OTOGL: variants seen among roughly 807,000 people sequenced by gnomAD.
The protein encoded by OTOGL is otogelin like.
In OTOGL, 285 loss-of-function variants were observed where a neutral mutation model predicts 318.5. That is an observed-to-expected ratio of 0.89 (90% CI 0.81 to 0.99). The LOEUF (loss-of-function observed/expected upper bound fraction) is 0.99. Ranked by LOEUF, OTOGL falls within the 50% of genes least tolerant of loss-of-function variation. The pLI is 0.00. For missense variants in OTOGL, 2,899 were observed against 2,845.6 expected, an observed-to-expected ratio of 1.02 and a Z score of -0.43; for synonymous variants, 987 against 936.5, an observed-to-expected ratio of 1.05 and a Z score of -0.99.
chr12:80,307,871 A>G (rs1174159667), intron 29 of OTOGL, among the ~76,000 whole-genome samples: 12 of 101,202 alleles, frequency 1.2e-4, no homozygotes, highest in African/African-American at 4.1e-4. Context: ...CGGGGGGCTG[A>G]CCCCCCCACC....
chr12:80,295,208 A>T (rs759358748), intron 26 of OTOGL, among the ~76,000 whole-genome samples: 1 of 128,684 alleles, frequency 7.8e-6, no homozygotes, highest in Non-Finnish European at 1.5e-5. Context: ...TCAATCTGTC[A>T]CCCAGACTGG....
chr12:80,294,404 C>T (rs1295796382), intron 26 of OTOGL, among the ~76,000 whole-genome samples: 1 of 152,118 alleles, frequency 6.6e-6, no homozygotes, highest in Non-Finnish European at 1.5e-5. Context: ...CTTTTCACAT[C>T]CCTTAGTCTA....
intron 1 of OTOGL, among the ~76,000 whole-genome samples, chr12:80,149,649 G>T (rs1315313176): frequency 6.6e-6 from 1 of 152,004 alleles, no homozygotes; most frequent in African/African-American, 2.4e-5. Context: ...GGGCAATGGC[G>T]GGCGCCCCTC....
chr12:80,289,760 C>T (rs1320714164), intron 26 of OTOGL, among the ~76,000 whole-genome samples: 1 of 152,164 alleles, frequency 6.6e-6, no homozygotes, highest in Admixed American at 6.5e-5. Flanking sequence ...CAAGGTCAAT[C>T]GTCCCAGGTT....
chr12:80,292,050 G>A (rs897923426), intron 26 of OTOGL, among the ~76,000 whole-genome samples: 3 of 151,668 alleles, frequency 2.0e-5, no homozygotes, highest in African/African-American at 7.3e-5. Context: ...GTGCAGTGGT[G>A]CAATCTTGGC....
intron 29 of OTOGL, among the ~76,000 whole-genome samples, chr12:80,307,523 C>T (rs1427022655): frequency 4.8e-5 from 7 of 146,994 alleles, no homozygotes; most frequent in East Asian, 2.1e-4. Context: ...CGGGCGGAGG[C>T]GCCCCTCACC....
chr12:80,190,677 C>T (rs1038953579), intron 1 of OTOGL, among the ~76,000 whole-genome samples: 5 of 151,166 alleles, frequency 3.3e-5, no homozygotes, highest in African/African-American at 1.2e-4. Context: ...ATCCCAGCTA[C>T]TCGGAAGGCT....
In OTOGL at chr12:80,150,076, C is replaced by T. The variant is rs192213831; in HGVS notation, c.-20+50471C>T. On this transcript the variant is annotated intron_variant, in intron 1 of 58. Coordinates refer to ENST00000547103, the MANE Select transcript of OTOGL (RefSeq NM_001378609.3). The stretch of plus-strand genomic sequence containing the variant: ...TTCCTATTCGGCCATCTTGGCTTCT[C>T]GCTTTTCTTTATATAGTGTCTGGTG... Among the ~76,000 whole-genome samples the T allele has an allele frequency of 5.5e-4, 83 of 152,270 alleles. No individual in the cohort carries two copies. In the East Asian group the frequency reaches 9.9e-3, roughly 18 times the overall value.
chr12:80,339,029 A>G, intron 42 of OTOGL, 46 bp from the exon 43 acceptor site: 1 of 1,390,958 alleles, frequency 7.2e-7, no homozygotes. Context: ...CCTAATTTGT[A>G]TATTTAAGTA....
intron 23 of OTOGL, 137 bp downstream of exon 23, chr12:80,270,291 C>T (rs1241564090): frequency 5.7e-6 from 4 of 701,906 alleles, no homozygotes; most frequent in Non-Finnish European, 9.6e-6. Flanking sequence ...ACATGGTGTT[C>T]CAGTGCTTCT....
chr12:80,137,629 G>T (rs1451879321), intron 1 of OTOGL, among the ~76,000 whole-genome samples: 1 of 152,260 alleles, frequency 6.6e-6, no homozygotes, highest in Admixed American at 6.5e-5. Context: ...TACAGATGAG[G>T]AAGCAAATGG....
intron 1 of OTOGL, among the ~76,000 whole-genome samples, chr12:80,189,662 T>C (rs368184905): frequency 6.6e-6 from 1 of 152,192 alleles, no homozygotes; most frequent in African/African-American, 2.4e-5. Flanking sequence ...ACCTAGAAAG[T>C]AGAATTTCAT....
intron 2 of OTOGL, 39 bp from the exon 3 acceptor site, chr12:80,210,808 G>A (rs1464465193): frequency 3.0e-6 from 4 of 1,311,940 alleles, no homozygotes; most frequent in Non-Finnish European, 4.1e-6. Context: ...AATATATTTG[G>A]ATAATTTTTT....
At chr12:80,201,770 G>T (rs1876473590) in intron 1 of OTOGL, among the ~76,000 whole-genome samples, 1 of 152,174 alleles carries the variant, frequency 6.6e-6, no homozygotes, top group Non-Finnish European at 1.5e-5. Context: ...GCCAGAGAAA[G>T]TCAGTTGGCC....
At chr12:80,290,982 A>G (rs556016256) in intron 26 of OTOGL, among the ~76,000 whole-genome samples, 10 of 152,310 alleles carry the variant, frequency 6.6e-5, no homozygotes, top group South Asian at 6.2e-4. Flanking sequence ...GGTGAACTCA[A>G]TAACTACTTG....
chr12:80,156,122 T>C (rs952943858), intron 1 of OTOGL, among the ~76,000 whole-genome samples: 2 of 152,232 alleles, frequency 1.3e-5, no homozygotes, highest in Non-Finnish European at 2.9e-5. Context: ...TTTGAGTCCG[T>C]GGACTGCGAA....
chr12:80,140,624 T>G lies in OTOGL; in HGVS notation c.-20+41019T>G, dbSNP rs574576133. 3.9e-5 allele frequency among the ~76,000 whole-genome samples: 6 copies of G among 152,328 alleles called. No individual in the cohort carries two copies. In the East Asian group the frequency reaches 9.6e-4, roughly 24 times the overall value. On this transcript the variant is annotated intron_variant, in intron 1 of 58. Coordinates refer to ENST00000547103, the MANE Select transcript of OTOGL (RefSeq NM_001378609.3). ...TCTTGGGCAAGTTACTTCATCTCTC[T>G]GTGCTTCAGTCTCCTCATATATAAA...
At chr12:80,262,635 G>T (rs1447763252) in intron 19 of OTOGL, among the ~76,000 whole-genome samples, 1 of 152,076 alleles carries the variant, frequency 6.6e-6, no homozygotes, top group Non-Finnish European at 1.5e-5. Context: ...TGCAATGACA[G>T]GACAACTCAC....
intron 29 of OTOGL, among the ~76,000 whole-genome samples, chr12:80,306,905 A>G (rs549341231): frequency 6.6e-6 from 1 of 150,916 alleles, no homozygotes; most frequent in African/African-American, 2.5e-5. Flanking sequence ...GTCAGCAGAT[A>G]AACAAGTGAA....
Sources: gnomAD v4.1 joint callset for allele counts (sites outside exome capture counted in the v4.1 genomes callset) on GRCh38, gnomAD v4.1.1 for gene constraint, MANE v1.5 for transcripts, NCBI Gene and HGNC (gene_info 2026-07-23, HGNC 2026-07-21) for gene names.